LARS2: variants seen among roughly 807,000 people sequenced by gnomAD.
The protein encoded by LARS2 is leucine--tRNA ligase, mitochondrial.
LARS2 carries 81 observed loss-of-function variants against 116.6 expected under a neutral mutation model. The ratio of observed to expected loss-of-function variants is 0.69; its 90% CI spans 0.58 to 0.84. The LOEUF (loss-of-function observed/expected upper bound fraction) is 0.84. Among genes scored for constraint, LARS2 ranks in the 40% least tolerant of loss-of-function variants. The probability of loss-of-function intolerance (pLI) is 0.00; values close to 1 mark genes in which losing one functional copy is unlikely to be tolerated. For missense variants in LARS2, 968 were observed against 1,114.5 expected, an observed-to-expected ratio of 0.87 and a Z score of 1.87; for synonymous variants, 396 against 407.2, an observed-to-expected ratio of 0.97 and a Z score of 0.33.
intron 12 of LARS2, among the ~76,000 whole-genome samples, chr3:45,490,489 G>A (rs1699896524): frequency 6.6e-6 from 1 of 152,178 alleles, no homozygotes; most frequent in Non-Finnish European, 1.5e-5. Flanking sequence ...ATGAGCTTCT[G>A]GAATGGAAAG....
intron 20 of LARS2, among the ~76,000 whole-genome samples, chr3:45,527,357 G>T (rs1700545744): frequency 6.6e-6 from 1 of 152,170 alleles, no homozygotes; most frequent in South Asian, 2.1e-4. Flanking sequence ...GGGCGCGGTG[G>T]CTCACGCCTG....
At chr3:45,462,440 A>T (rs1176482734) in intron 8 of LARS2, among the ~76,000 whole-genome samples, 1 of 151,992 alleles carries the variant, frequency 6.6e-6, no homozygotes, top group Non-Finnish European at 1.5e-5. Context: ...AAAGAAAGAA[A>T]GAAAGAAAGA....
intron 1 of LARS2, among the ~76,000 whole-genome samples, chr3:45,390,771 G>A (rs1697928828): frequency 6.6e-6 from 1 of 151,532 alleles, no homozygotes; most frequent in Admixed American, 6.6e-5. Context: ...TCCTGCCTCA[G>A]CCTCTCTAGT....
chr3:45,431,731 A>G (rs1396155968), intron 6 of LARS2, among the ~76,000 whole-genome samples: 1 of 152,320 alleles, frequency 6.6e-6, no homozygotes, highest in East Asian at 1.9e-4. Flanking sequence ...GTTAAATACA[A>G]AAGACAGTAA....
Position 45,548,317 on chromosome 3 carries a change from A to G in LARS2, c.*787A>G, listed in dbSNP as rs1245695966. On this transcript the variant is annotated 3_prime_UTR_variant, in exon 22 of 22. Coordinates refer to ENST00000645846, the MANE Select transcript of LARS2 (RefSeq NM_015340.4). The stretch of plus-strand genomic sequence containing the variant: ...GTCATAACCACTCCCTTGGGTATAC[A>G]ATTTGCTGTGTAGTGAAGTGGAACC... The G allele has an allele frequency of 6.6e-6, 1 of 152,240 alleles. No homozygotes were observed. Among genetic ancestry groups the G allele is most frequent in the Non-Finnish European group, 1.5e-5 (1 of 68,070 alleles). The allele number at this position is 152,240 out of a possible 1,614,324, so 9.4% of individuals were successfully genotyped here.
At chr3:45,540,952 A>ATT (rs1052417250) in intron 20 of LARS2, among the ~76,000 whole-genome samples, 1 of 148,108 alleles carries the variant, frequency 6.8e-6, no homozygotes, top group African/African-American at 2.5e-5. Context: ...TGTCCGGCTA[A>ATT]TTTTTTTTTT....
chr3:45,508,654 C>A (rs959554195), intron 15 of LARS2, among the ~76,000 whole-genome samples: 2 of 152,050 alleles, frequency 1.3e-5, no homozygotes, highest in African/African-American at 4.8e-5. Context: ...TCTGGGGCTT[C>A]ATGAATAGGT....
At chr3:45,462,269 C>T (rs945121192) in intron 8 of LARS2, among the ~76,000 whole-genome samples, 1 of 152,104 alleles carries the variant, frequency 6.6e-6, no homozygotes, top group Non-Finnish European at 1.5e-5. Context: ...CAGCTCCAGA[C>T]ATCGTGTCTC....
chr3:45,473,540 C>T (rs1361198685), intron 8 of LARS2, among the ~76,000 whole-genome samples: 1 of 151,710 alleles, frequency 6.6e-6, no homozygotes, highest in Non-Finnish European at 1.5e-5. Context: ...AGCACCACCA[C>T]GCCTGGCTAA....
At chr3:45,542,425 A>G (rs557111776) in intron 21 of LARS2, among the ~76,000 whole-genome samples, 1 of 152,334 alleles carries the variant, frequency 6.6e-6, no homozygotes, top group South Asian at 2.1e-4. Context: ...TTTTAAATAC[A>G]TAAGAGGAGT....
chr3:45,491,466 G>A, intron 12 of LARS2, 51 bp from the exon 13 acceptor site: 1 of 1,572,802 alleles, frequency 6.4e-7, no homozygotes, highest in Non-Finnish European at 8.7e-7. Flanking sequence ...CATCAGGGTG[G>A]TGACTGGTGC....
Position 45,488,795 on chromosome 3 carries a change from C to A in LARS2, c.1222C>A (p.Leu408Met), listed in dbSNP as rs1473801037. 1 of 1,607,096 alleles carries A rather than the reference C, an allele frequency of 6.2e-7. No individual in the cohort carries two copies. Among genetic ancestry groups the A allele is most frequent in the East Asian group, 2.2e-5 (1 of 44,852 alleles). The change falls in exon 12 of 22, where the codon CTG (leucine) becomes ATG (methionine). Residue 408 changes from leucine (L) to methionine (M), a missense_variant. Physicochemically the swap from Leu to Met is conservative, Grantham distance 15. Coordinates refer to ENST00000645846, the MANE Select transcript of LARS2 (RefSeq NM_015340.4). ...IETLPDGTER[L>M]SSSAEFTGMT... is the part of the protein sequence containing the mutation. ...AACTTTGCCAGATGGCACAGAGAGACTGAGCAGCTCTGCTGAGGTTGGTGA... is the reference window on the plus strand; with the variant it reads ...AACTTTGCCAGATGGCACAGAGAGAATGAGCAGCTCTGCTGAGGTTGGTGA...
chr3:45,535,279 G>C (rs894658664), intron 20 of LARS2, among the ~76,000 whole-genome samples: 1 of 152,040 alleles, frequency 6.6e-6, no homozygotes, highest in African/African-American at 2.4e-5. Flanking sequence ...CTTGAACCTG[G>C]GAGGTGGAGG....
chr3:45,513,156 G>T lies in LARS2; in HGVS notation c.1782G>T (p.Leu594=), dbSNP rs145796540. ...TCAGGGAGCCTTTTCATAAGCTGCT[G>T]GCCCAAGGCCTTATCAAGGGGCAGA... The part of the protein sequence containing the change: ...VKHREPFHKL[L]AQGLIKGQTF... The change falls in exon 16 of 22, where the codon CTG becomes CTT. Residue 594 remains leucine (L), a synonymous_variant. Coordinates refer to ENST00000645846, the MANE Select transcript of LARS2 (RefSeq NM_015340.4). The T allele has an allele frequency of 1.9e-4, 308 of 1,613,010 alleles. No individual in the cohort carries two copies. The highest frequency in any genetic ancestry group is 2.6e-4 in the Non-Finnish European group (303 of 1,179,128).
At chr3:45,406,607 C>T (rs529492907) in intron 4 of LARS2, among the ~76,000 whole-genome samples, 1 of 152,176 alleles carries the variant, frequency 6.6e-6, no homozygotes, top group East Asian at 1.9e-4. Context: ...TTAGTCAAAG[C>T]GGTGATGGTG....
chr3:45,528,967 C>T (rs1430843865), intron 20 of LARS2, among the ~76,000 whole-genome samples: 2 of 151,752 alleles, frequency 1.3e-5, no homozygotes, highest in East Asian at 3.9e-4. Context: ...CTCCCAGGTT[C>T]AAGAGATTCT....
intron 19 of LARS2, 66 bp downstream of exon 19, chr3:45,520,362 C>T: frequency 8.2e-7 from 1 of 1,212,144 alleles, no homozygotes; most frequent in African/African-American, 1.5e-5. Context: ...AGGGGCCCCA[C>T]AGGGTCCCAA....
At chr3:45,413,422 G>A (rs1287531426) in intron 4 of LARS2, among the ~76,000 whole-genome samples, 4 of 152,342 alleles carry the variant, frequency 2.6e-5, no homozygotes, top group Non-Finnish European at 4.4e-5. Context: ...CATGCTAGAT[G>A]TGCCACAGAC....
intron 3 of LARS2, 80 bp from the exon 4 acceptor site, chr3:45,400,165 T>G (rs1252033034): frequency 4.0e-6 from 5 of 1,249,034 alleles, no homozygotes; most frequent in Non-Finnish European, 5.6e-6. Flanking sequence ...TATTACTTTG[T>G]GTAAAATGCC....
Sources: allele counts gnomAD v4.1 joint callset (sites outside exome capture counted in the v4.1 genomes callset), GRCh38; gene constraint gnomAD v4.1.1; transcripts MANE v1.5; gene names NCBI Gene and HGNC (gene_info 2026-07-23, HGNC 2026-07-21).